Variants in CFAP61 observed in about 807,000 individuals in gnomAD.
CFAP61 encodes cilia- and flagella-associated protein 61.
A neutral mutation model predicts 135.6 loss-of-function variants in CFAP61; 107 were observed. The ratio of observed to expected loss-of-function variants is 0.79; its 90% CI spans 0.67 to 0.93. The LOEUF is 0.93. Among genes scored for constraint, CFAP61 ranks in the 40% least tolerant of loss-of-function variants. The probability of loss-of-function intolerance (pLI) is 0.00; values close to 1 mark genes in which losing one functional copy is unlikely to be tolerated. For synonymous variants in CFAP61, 575 were observed against 578.5 expected, an observed-to-expected ratio of 0.99 and a Z score of 0.09; for missense variants, 1,507 against 1,556.2, an observed-to-expected ratio of 0.97 and a Z score of 0.53.
At chr20:20,319,995 A>G (rs1192890772) in intron 25 of CFAP61, among the ~76,000 whole-genome samples, 1 of 152,158 alleles carries the variant, frequency 6.6e-6, no homozygotes, top group East Asian at 1.9e-4. Flanking sequence ...ACCAATATGT[A>G]GGAAACCGAG....
chr20:20,327,483 T>TA (rs889989111), intron 25 of CFAP61, among the ~76,000 whole-genome samples: 1 of 152,134 alleles, frequency 6.6e-6, no homozygotes, highest in African/African-American at 2.4e-5. Flanking sequence ...GAAATGTCTC[T>TA]AAAAAATATA....
intron 19 of CFAP61, among the ~76,000 whole-genome samples, chr20:20,248,747 C>T (rs964997134): frequency 6.6e-6 from 1 of 152,224 alleles, no homozygotes; most frequent in Non-Finnish European, 1.5e-5. Flanking sequence ...ACTGACTCAT[C>T]TGTGGCCCCC....
chr20:20,130,247 C>T (rs1238411018), intron 8 of CFAP61, among the ~76,000 whole-genome samples: 1 of 151,578 alleles, frequency 6.6e-6, no homozygotes, highest in Non-Finnish European at 1.5e-5. Context: ...TGAGATCATG[C>T]CATTGTACTT....
chr20:20,325,311 C>T (rs988837331), intron 25 of CFAP61, among the ~76,000 whole-genome samples: 1 of 152,204 alleles, frequency 6.6e-6, no homozygotes, highest in African/African-American at 2.4e-5. Flanking sequence ...CAAATGTATA[C>T]TGACATGTAC....
intron 25 of CFAP61, among the ~76,000 whole-genome samples, chr20:20,312,568 TTG>T: frequency 6.6e-6 from 1 of 152,126 alleles, no homozygotes; most frequent in Admixed American, 6.5e-5. Flanking sequence ...TTTTCCAAAT[TTG>T]ATGAAAACTC....
chr20:20,321,516 T>C (rs2057512324), intron 25 of CFAP61, among the ~76,000 whole-genome samples: 1 of 152,066 alleles, frequency 6.6e-6, no homozygotes. Flanking sequence ...CATTGTGAAG[T>C]TTCATGGTTG....
At chr20:20,122,954 A>G (rs2049784442) in intron 8 of CFAP61, among the ~76,000 whole-genome samples, 1 of 151,704 alleles carries the variant, frequency 6.6e-6, no homozygotes, top group Non-Finnish European at 1.5e-5. Context: ...TTTTTTTATT[A>G]TGGCCATTCT....
chr20:20,192,464 T>G (rs562234566), intron 15 of CFAP61, among the ~76,000 whole-genome samples: 2 of 152,194 alleles, frequency 1.3e-5, no homozygotes, highest in Non-Finnish European at 2.9e-5. Flanking sequence ...GTCAGTGATG[T>G]CAGGTGCCTC....
chr20:20,165,535 A>T (rs2053759963), intron 11 of CFAP61, among the ~76,000 whole-genome samples: 1 of 148,218 alleles, frequency 6.7e-6, no homozygotes, highest in Admixed American at 6.8e-5. Context: ...GAACACCCAC[A>T]TGTTCAGTGC....
chr20:20,143,495 G>A (rs894038898), intron 9 of CFAP61, among the ~76,000 whole-genome samples: 3 of 152,168 alleles, frequency 2.0e-5, no homozygotes, highest in African/African-American at 7.2e-5. Flanking sequence ...TTTTTTAAGT[G>A]CAGCATTCTT....
chr20:20,288,864 C>G lies in CFAP61; in HGVS notation c.3052C>G (p.Leu1018Val), dbSNP rs2054791348. The change falls in exon 23 of 27, where the codon CTT becomes GTT. Residue 1018 changes from leucine to valine, a missense_variant. Coordinates refer to ENST00000245957, the MANE Select transcript of CFAP61 (RefSeq NM_015585.4). ...TATGCTACATCTCTTTGATCCAACCCTTGAGCCTGTGACCGAGCCACCAGC... is the reference window on the plus strand; with the variant it reads ...TATGCTACATCTCTTTGATCCAACCGTTGAGCCTGTGACCGAGCCACCAGC... ...AAMLHLFDPT[L>V]EPVTEPPANL... 6.2e-7 allele frequency: 1 copy of G among 1,613,920 alleles called. No homozygotes were observed.
At chr20:20,347,251 C>T (rs1018920606) in intron 26 of CFAP61, among the ~76,000 whole-genome samples, 3 of 152,034 alleles carry the variant, frequency 2.0e-5, no homozygotes, top group African/African-American at 7.2e-5. Context: ...CCAAAGAAAG[C>T]AGAATTTAAA....
intron 9 of CFAP61, among the ~76,000 whole-genome samples, chr20:20,148,458 T>A (rs781433643): frequency 3.3e-5 from 5 of 152,204 alleles, no homozygotes; most frequent in Non-Finnish European, 5.9e-5. Flanking sequence ...TCCTTGTAGA[T>A]CTTTCACCTC....
At chr20:20,060,074 G>C (rs1234108171) in intron 2 of CFAP61, among the ~76,000 whole-genome samples, 3 of 62,048 alleles carry the variant, frequency 4.8e-5, no homozygotes, top group African/African-American at 8.7e-5. Context: ...AATAACAGAG[G>C]GGGAAAAAAA....
chr20:20,096,593 C>T (rs932799085), intron 7 of CFAP61, among the ~76,000 whole-genome samples: 30 of 152,342 alleles, frequency 2.0e-4, no homozygotes, highest in African/African-American at 5.5e-4. Flanking sequence ...AGTTTTGTTG[C>T]GCCAGCGCGG....
At chr20:20,116,172 G>C (rs185406920) in intron 8 of CFAP61, among the ~76,000 whole-genome samples, 1 of 152,050 alleles carries the variant, frequency 6.6e-6, no homozygotes, top group Admixed American at 6.6e-5. Flanking sequence ...GTTTTGATTT[G>C]CATCTCTGTG....
chr20:20,338,670 G>C (rs571083671), intron 25 of CFAP61, among the ~76,000 whole-genome samples: 3 of 152,116 alleles, frequency 2.0e-5, no homozygotes, highest in Non-Finnish European at 2.9e-5. Context: ...CTCTTTCCCC[G>C]TAGATGTGTT....
intron 26 of CFAP61, among the ~76,000 whole-genome samples, chr20:20,347,730 C>T (rs1238024908): frequency 1.3e-5 from 2 of 151,926 alleles, no homozygotes; most frequent in East Asian, 1.9e-4. Context: ...GTCAGGAGTT[C>T]GAGACCAACC....
chr20:20,115,793 A>G (rs2049099008), intron 8 of CFAP61, among the ~76,000 whole-genome samples: 1 of 152,178 alleles, frequency 6.6e-6, no homozygotes, highest in African/African-American at 2.4e-5. Context: ...TGGCTGAACA[A>G]TATTCGATTG....
Sources: gnomAD v4.1 joint callset for allele counts (sites outside exome capture counted in the v4.1 genomes callset) on GRCh38, gnomAD v4.1.1 for gene constraint, MANE v1.5 for transcripts, NCBI Gene and HGNC (gene_info 2026-07-23, HGNC 2026-07-21) for gene names.